The following PRELID3A variants were observed in gnomAD, a reference collection of about 807,000 sequenced individuals.
The protein encoded by PRELID3A is PRELI domain containing protein 3A.
PRELID3A carries 27 observed loss-of-function variants against 23.0 expected under a neutral mutation model. The ratio of observed to expected loss-of-function variants is 1.17; its 90% CI spans 0.87 to 1.62. The LOEUF is 1.62. Ranked by LOEUF, PRELID3A falls within the 40% of genes most tolerant of loss-of-function variation. The probability of loss-of-function intolerance (pLI) is 0.00; values close to 1 mark genes in which losing one functional copy is unlikely to be tolerated. For synonymous variants in PRELID3A, 87 were observed against 86.4 expected (o/e 1.01, Z -0.04); for missense variants, 231 against 231.4 (o/e 1.00, Z 0.01).
Position 12,427,332 on chromosome 18 carries a change from C to T in PRELID3A, c.465+9C>T, listed in dbSNP as rs1383659465. The T allele has an allele frequency of 6.3e-7, 1 of 1,582,072 alleles. No homozygotes were observed. The highest frequency in any genetic ancestry group is 1.3e-5 in the African/African-American group (1 of 74,412). ...CATCCAATGCAAAGAAGGTATGTAT[C>T]TCAATCCTAGGAGTCCTGTGTGTGC... On this transcript the variant is annotated intron_variant, in intron 5 of 6. Coordinates refer to ENST00000440960, the MANE Select transcript of PRELID3A (RefSeq NM_001142405.2).
At chr18:12,422,506 G>A (rs553191564) in intron 3 of PRELID3A, among the ~76,000 whole-genome samples, 4 of 151,954 alleles carry the variant, frequency 2.6e-5, no homozygotes, top group Admixed American at 6.6e-5. Context: ...TTACAGCCGC[G>A]TGCCACTACA....
At chr18:12,429,472 G>T in intron 6 of PRELID3A, 36 bp downstream of exon 6, 1 of 1,400,670 alleles carries the variant, frequency 7.1e-7, no homozygotes, top group East Asian at 2.3e-5. Context: ...GGGGGTACTT[G>T]CAGCCTCTTG....
Position 12,429,270 on chromosome 18 carries a change from T to C in PRELID3A, c.466-80T>C, listed in dbSNP as rs1399643187. ...ACTGCAGCGCTTGCCTTCTGCAGTT[T>C]AGCCTGTGGACTTGTCGCTTGCTGT... On this transcript the variant is annotated intron_variant, in intron 5 of 6. Coordinates refer to ENST00000440960, the MANE Select transcript of PRELID3A (RefSeq NM_001142405.2). 8 of 1,231,674 alleles carry C rather than the reference T, an allele frequency of 6.5e-6. No individual in the cohort carries two copies. In the African/African-American group the frequency reaches 8.9e-5, roughly 14 times the overall value. 76.3% of individuals were successfully genotyped at this position (1,231,674 alleles called of 1,614,324 possible).
rs1037473529 is a variant in PRELID3A at position 12,408,104 on chromosome 18, C to T, written c.32+97C>T. 8.4e-6 allele frequency: 9 copies of T among 1,074,138 alleles called. No individual in the cohort carries two copies. The East Asian group carries it at 2.6e-4, about 31-fold the overall frequency. The allele number at this position is 1,074,138 out of a possible 1,614,324, so 66.5% of individuals were successfully genotyped here. A position where few individuals can be genotyped will look rare whatever the true frequency, so the allele number is the denominator to read the frequency against. On this transcript the variant is annotated intron_variant, in intron 1 of 6. Transcript: ENST00000440960. Reference sequence around the variant, plus strand: ...GTCCAGGAAAGGCCGGACCTCACAGCGGGCCTCGCGGAGATCCCCGCCCCG... The same window carrying T: ...GTCCAGGAAAGGCCGGACCTCACAGTGGGCCTCGCGGAGATCCCCGCCCCG...
chr18:12,408,219 G>C (rs1216512313), intron 1 of PRELID3A, among the ~76,000 whole-genome samples: 1 of 151,912 alleles, frequency 6.6e-6, no homozygotes, highest in African/African-American at 2.4e-5. Context: ...CTCTGCGCCG[G>C]GTACGGCCTC....
intron 1 of PRELID3A, among the ~76,000 whole-genome samples, chr18:12,417,570 A>C (rs1416739128): frequency 1.3e-5 from 2 of 152,252 alleles, no homozygotes; most frequent in East Asian, 3.8e-4. Context: ...TTAATGTTAG[A>C]AGGCATACCC....
chr18:12,420,101 T>C (rs1163183715), intron 1 of PRELID3A: 1 of 1,417,248 alleles, frequency 7.1e-7, no homozygotes, highest in Non-Finnish European at 9.2e-7. Flanking sequence ...TGAGACCCTG[T>C]CTCAGACAAA....
rs71371255 is a variant in PRELID3A at position 12,409,159 on chromosome 18, G to GTTTTTTTTT, written c.32+1169_32+1177dup. ...AGTCTCATTCTGTCACCCAGGCTGGGTTTTTTTTTTTTTTTTTTTTTTTTT... is the reference window on the plus strand; with the variant it reads ...AGTCTCATTCTGTCACCCAGGCTGGGTTTTTTTTTTTTTTTTTTTTTTTTTTTTTTTTTT... On this transcript the variant is annotated intron_variant, in intron 1 of 6. Transcript: ENST00000440960. Among the ~76,000 whole-genome samples, 13 of 66,482 alleles carry GTTTTTTTTT rather than the reference G, an allele frequency of 2.0e-4. 1 individual carries two copies. Among genetic ancestry groups the GTTTTTTTTT allele is most frequent in the East Asian group, 5.4e-4 (1 of 1,858 alleles). 43.6% of individuals were successfully genotyped at this position (66,482 alleles called of 152,430 possible).
chr18:12,420,251 C>T (rs2030113338), intron 1 of PRELID3A, 74 bp from the exon 2 acceptor site: 4 of 1,504,600 alleles, frequency 2.7e-6, no homozygotes, highest in African/African-American at 2.8e-5. Flanking sequence ...GGCCTGGCGG[C>T]GGCTTTTCCT....
rs776006430 is a variant in PRELID3A at position 12,427,843 on chromosome 18, G to C, written c.465+520G>C. Among the ~76,000 whole-genome samples, 40 of 152,040 alleles carry C rather than the reference G, an allele frequency of 2.6e-4. 2 individuals are homozygous for C. The highest frequency in any genetic ancestry group is 7.4e-5 in the Non-Finnish European group (5 of 68,016). On this transcript the variant is annotated intron_variant, in intron 5 of 6. Transcript: ENST00000440960. ...GTCTGAGGGAAGTGTGTGCATGAAAGCCAAGGGAGCCAAAGTTACTCTTCT... is the reference window on the plus strand; with the variant it reads ...GTCTGAGGGAAGTGTGTGCATGAAACCCAAGGGAGCCAAAGTTACTCTTCT...
At chr18:12,423,254 G>A in intron 3 of PRELID3A, among the ~76,000 whole-genome samples, 1 of 152,204 alleles carries the variant, frequency 6.6e-6, no homozygotes, top group East Asian at 1.9e-4. Context: ...AGAGGCAGAG[G>A]AGCCGGAGGT....
chr18:12,416,299 T>C (rs962043424), intron 1 of PRELID3A, among the ~76,000 whole-genome samples: 1 of 152,176 alleles, frequency 6.6e-6, no homozygotes, highest in Admixed American at 6.5e-5. Context: ...TTTCTGGGTT[T>C]TTGTTGTTGT....
rs398059054 is a variant in PRELID3A, at chr18:12,411,465, C to CAAA, written c.32+3476_32+3478dup. Among the ~76,000 whole-genome samples the CAAA allele has an allele frequency of 1.2e-3, 108 of 89,468 alleles. 3 individuals carry two copies. The highest frequency in any genetic ancestry group is 3.9e-3 in the African/African-American group (85 of 21,662). 58.7% of individuals were successfully genotyped at this position (89,468 alleles called of 152,430 possible). ...TGGGCGACAGAGCGAGACTCCGTCT[C>CAAA]AAAAAAAAAAAAAAAAAAAAGGACA... On this transcript the variant is annotated intron_variant, in intron 1 of 6. Transcript: ENST00000440960.
Position 12,420,512 on chromosome 18 carries a change from G to C in PRELID3A, c.201+19G>C. 1 of 1,503,390 alleles carries C rather than the reference G, an allele frequency of 6.7e-7. No homozygotes were observed. The highest frequency in any genetic ancestry group is 8.9e-7 in the Non-Finnish European group (1 of 1,126,172). The allele number at this position is 1,503,390 out of a possible 1,614,324, so 93.1% of individuals were successfully genotyped here. The stretch of plus-strand genomic sequence containing the variant: ...GAGAGCGGTGAGCGGGGCGGGGGCT[G>C]CGGCTCCGAACGCGCCCGACTCCCC... On this transcript the variant is annotated intron_variant, in intron 2 of 6. Transcript: ENST00000440960.
In PRELID3A at chr18:12,427,242, C is replaced by A. The variant is rs772721794; in HGVS notation, c.384C>A (p.Ala128=). 1.9e-6 allele frequency: 3 copies of A among 1,614,020 alleles called. No individual in the cohort carries two copies. The African/African-American group carries it at 4.0e-5, about 22-fold the overall frequency. ...NPEMTVLTQE[A]IITVKGISLG... ...GCAGGACCGTGCTCACACAAGAAGC[C>A]ATCATCACTGTGAAGGGGATTAGCC... is the stretch of plus-strand genomic sequence containing the variant. The change falls in exon 5 of 7, where the codon GCC becomes GCA. Residue 128 remains alanine (A), a synonymous_variant. Transcript: ENST00000440960.
rs541898788 is a variant in PRELID3A at position 12,427,624 on chromosome 18, G to A, written c.465+301G>A. Among the ~76,000 whole-genome samples, 267 of 152,128 alleles carry A rather than the reference G, an allele frequency of 1.8e-3. 1 individual carries two copies. Among genetic ancestry groups the A allele is most frequent in the Non-Finnish European group, 3.0e-3 (206 of 68,018 alleles). ...ACATGAGAATTGCTTGGACCCATGA[G>A]GCGGAGGTTGCAGTGAGCTGAACCA... On this transcript the variant is annotated intron_variant, in intron 5 of 6. Coordinates refer to ENST00000440960, the MANE Select transcript of PRELID3A (RefSeq NM_001142405.2).
chr18:12,426,523 C>G (rs1371903309), intron 3 of PRELID3A, among the ~76,000 whole-genome samples: 1 of 117,630 alleles, frequency 8.5e-6, no homozygotes, highest in Non-Finnish European at 1.6e-5. Flanking sequence ...CACTGCACTC[C>G]AGCCTGGGCT....
intron 1 of PRELID3A, among the ~76,000 whole-genome samples, chr18:12,419,271 A>C (rs2030059987): frequency 6.7e-6 from 1 of 149,360 alleles, no homozygotes; most frequent in Admixed American, 6.8e-5. Flanking sequence ...GGTTGCAGTG[A>C]GCCGAGACAG....
rs181513418 is a variant in PRELID3A at position 12,418,071 on chromosome 18, G to A, written c.33-2254G>A. 3.3e-5 allele frequency among the ~76,000 whole-genome samples: 5 copies of A among 152,172 alleles called. No individual in the cohort carries two copies. The East Asian group carries it at 9.7e-4, about 29-fold the overall frequency. The stretch of plus-strand genomic sequence containing the variant: ...CCTAGGACAAGAGTGTTTGATGAGG[G>A]TAAAGTAAATTACTGATCACTCTGT... On this transcript the variant is annotated intron_variant, in intron 1 of 6. Coordinates refer to ENST00000440960, the MANE Select transcript of PRELID3A (RefSeq NM_001142405.2).
Sources: gnomAD v4.1 joint callset for allele counts (sites outside exome capture counted in the v4.1 genomes callset) on GRCh38, gnomAD v4.1.1 for gene constraint, MANE v1.5 for transcripts, NCBI Gene and HGNC (gene_info 2026-07-23, HGNC 2026-07-21) for gene names.